The following HCN1 variants were observed in gnomAD, a reference collection of about 807,000 sequenced individuals.
HCN1 encodes hyperpolarization activated cyclic nucleotide gated potassium channel 1.
Under a neutral mutation model 78.9 loss-of-function variants are expected in HCN1, and 13 were observed. That is an observed-to-expected ratio of 0.16 (90% CI 0.11 to 0.26). The LOEUF is 0.26. HCN1 is among the 10% of genes least tolerant of loss of function. The probability of loss-of-function intolerance (pLI) is 1.00; values close to 1 mark genes in which losing one functional copy is unlikely to be tolerated. For missense variants in HCN1, 810 were observed against 1,154.3 expected, an observed-to-expected ratio of 0.70 and a Z score of 4.32; for synonymous variants, 552 against 455.5, an observed-to-expected ratio of 1.21 and a Z score of -2.70.
intron 4 of HCN1, among the ~76,000 whole-genome samples, chr5:45,372,276 T>C (rs1747413134): frequency 2.2e-5 from 2 of 90,598 alleles, no homozygotes; most frequent in East Asian, 3.1e-4. Flanking sequence ...TATATTTATA[T>C]ATATAATATA....
chr5:45,490,100 T>G (rs570651787), intron 2 of HCN1, among the ~76,000 whole-genome samples: 2 of 152,134 alleles, frequency 1.3e-5, no homozygotes, highest in Non-Finnish European at 2.9e-5. Flanking sequence ...AGGTGAAACA[T>G]GTTAAAAAGA....
chr5:45,621,168 A>T (rs1745054217), intron 2 of HCN1, among the ~76,000 whole-genome samples: 1 of 152,208 alleles, frequency 6.6e-6, no homozygotes, highest in Non-Finnish European at 1.5e-5. Context: ...TAACTAGGAA[A>T]TACTTCTTCA....
chr5:45,349,489 C>G (rs1579830648), intron 5 of HCN1, among the ~76,000 whole-genome samples: 1 of 152,152 alleles, frequency 6.6e-6, no homozygotes, highest in African/African-American at 2.4e-5. Flanking sequence ...CAAATACATT[C>G]AAAATCTAGC....
At chr5:45,495,829 A>C (rs540820191) in intron 2 of HCN1, among the ~76,000 whole-genome samples, 2 of 152,194 alleles carry the variant, frequency 1.3e-5, no homozygotes, top group African/African-American at 4.8e-5. Context: ...GAATTTTGTC[A>C]AAGGCATTTT....
intron 5 of HCN1, among the ~76,000 whole-genome samples, chr5:45,332,064 T>C (rs1296554416): frequency 2.0e-5 from 3 of 151,538 alleles, no homozygotes; most frequent in Non-Finnish European, 4.4e-5. Context: ...CTTTAATGGT[T>C]CTGATTTTAA....
chr5:45,565,681 G>A (rs1339843789), intron 2 of HCN1, among the ~76,000 whole-genome samples: 5 of 151,948 alleles, frequency 3.3e-5, no homozygotes, highest in Non-Finnish European at 5.9e-5. Context: ...AAAAATAGCT[G>A]GGTGTGGTGT....
At chr5:45,683,404 A>C (rs931645215) in intron 1 of HCN1, among the ~76,000 whole-genome samples, 2 of 152,146 alleles carry the variant, frequency 1.3e-5, no homozygotes, top group Non-Finnish European at 2.9e-5. Context: ...AGTTAACTCC[A>C]TAATTTATCT....
chr5:45,426,154 T>C (rs1171135918), intron 3 of HCN1, among the ~76,000 whole-genome samples: 1 of 152,190 alleles, frequency 6.6e-6, no homozygotes, highest in Non-Finnish European at 1.5e-5. Flanking sequence ...TGAAATCAAG[T>C]ATGATGAATC....
chr5:45,418,217 G>C (rs993599711), intron 3 of HCN1, among the ~76,000 whole-genome samples: 1 of 151,710 alleles, frequency 6.6e-6, no homozygotes, highest in African/African-American at 2.4e-5. Context: ...AAGAAAAAGT[G>C]TTTATAATGT....
chr5:45,372,090 T>A (rs1298226708), intron 4 of HCN1, among the ~76,000 whole-genome samples: 2 of 58,678 alleles, frequency 3.4e-5, no homozygotes, highest in East Asian at 1.2e-3. Flanking sequence ...AATATAATTA[T>A]ATATATATTT....
intron 4 of HCN1, among the ~76,000 whole-genome samples, chr5:45,372,388 T>C (rs1747417547): frequency 8.7e-6 from 1 of 115,362 alleles, no homozygotes; most frequent in South Asian, 2.5e-4. Context: ...TATATAAATA[T>C]GTAAATTATA....
At chr5:45,390,987 C>T (rs550261181) in intron 4 of HCN1, among the ~76,000 whole-genome samples, 1 of 152,224 alleles carries the variant, frequency 6.6e-6, no homozygotes, top group Non-Finnish European at 1.5e-5. Flanking sequence ...CCTAGGATCT[C>T]CCTCGCCTGA....
intron 5 of HCN1, among the ~76,000 whole-genome samples, chr5:45,339,532 T>C (rs940459295): frequency 6.6e-6 from 1 of 152,150 alleles, no homozygotes; most frequent in Admixed American, 6.6e-5. Context: ...AGAGCCTCTG[T>C]GTCATATGAA....
At chr5:45,392,612 G>T (rs549365319) in intron 4 of HCN1, among the ~76,000 whole-genome samples, 1 of 151,954 alleles carries the variant, frequency 6.6e-6, no homozygotes. Flanking sequence ...CAAGGTTGGC[G>T]GATTACTTGA....
intron 2 of HCN1, among the ~76,000 whole-genome samples, chr5:45,481,027 T>G (rs1444761214): frequency 1.3e-5 from 2 of 152,208 alleles, no homozygotes; most frequent in Non-Finnish European, 2.9e-5. Flanking sequence ...AATGTTTGTT[T>G]CATGGCAGAG....
At chr5:45,423,083 G>A (rs901243035) in intron 3 of HCN1, among the ~76,000 whole-genome samples, 1 of 152,020 alleles carries the variant, frequency 6.6e-6, no homozygotes, top group South Asian at 2.1e-4. Context: ...AATGCATGAG[G>A]TGATGGATAT....
intron 2 of HCN1, among the ~76,000 whole-genome samples, chr5:45,588,707 C>A (rs553819896): frequency 6.6e-6 from 1 of 152,292 alleles, no homozygotes; most frequent in South Asian, 2.1e-4. Flanking sequence ...CGACTACTCA[C>A]CAGGCTAGAT....
chr5:45,587,723 C>T (rs1744263798), intron 2 of HCN1, among the ~76,000 whole-genome samples: 1 of 151,986 alleles, frequency 6.6e-6, no homozygotes. Flanking sequence ...ATATTAACAC[C>T]ATGTTTATTA....
At chr5:45,264,691 C>A (rs968730582) in intron 7 of HCN1, among the ~76,000 whole-genome samples, 1 of 152,112 alleles carries the variant, frequency 6.6e-6, no homozygotes, top group African/African-American at 2.4e-5. Context: ...GCAATGGCCA[C>A]AAAACCGAGA....
Sources: allele counts gnomAD v4.1 joint callset (sites outside exome capture counted in the v4.1 genomes callset), GRCh38; gene constraint gnomAD v4.1.1; transcripts MANE v1.5; gene names NCBI Gene and HGNC (gene_info 2026-07-23, HGNC 2026-07-21).